AHI1: variants seen among roughly 807,000 people sequenced by gnomAD.
The protein encoded by AHI1 is jouberin.
AHI1 carries 123 observed loss-of-function variants against 149.3 expected under a neutral mutation model. That is an observed-to-expected ratio of 0.82 (90% CI 0.71 to 0.96). AHI1 has a LOEUF of 0.96. AHI1 is among the 40% of genes least tolerant of loss of function. The pLI is 0.00. For missense variants in AHI1, 1,439 were observed against 1,422.7 expected, an observed-to-expected ratio of 1.01 and a Z score of -0.18; for synonymous variants, 475 against 459.8, an observed-to-expected ratio of 1.03 and a Z score of -0.42.
intron 24 of AHI1, among the ~76,000 whole-genome samples, chr6:135,349,774 T>C (rs1346867120): frequency 6.6e-6 from 1 of 152,228 alleles, no homozygotes; most frequent in Admixed American, 6.5e-5. Flanking sequence ...CTGAAAAAGA[T>C]GCATAGAACT....
chr6:135,327,833 T>C (rs1787935496), intron 24 of AHI1, among the ~76,000 whole-genome samples: 1 of 152,178 alleles, frequency 6.6e-6, no homozygotes, highest in South Asian at 2.1e-4. Flanking sequence ...GCTGAACAAA[T>C]GGAGGTTCCA....
chr6:135,476,658 T>C lies in AHI1; in HGVS notation c.136-9024A>G, dbSNP rs1267129407. Among the ~76,000 whole-genome samples, 6 of 152,276 alleles carry C rather than the reference T, an allele frequency of 3.9e-5. No homozygotes were observed. In the South Asian group the frequency reaches 6.2e-4, roughly 16 times the overall value. On this transcript the variant is annotated intron_variant, in intron 5 of 28. Coordinates refer to ENST00000265602, the MANE Select transcript of AHI1 (RefSeq NM_001134831.2). ...TTGCTTTGCATATTTTGAAGCTTTG[T>C]TATGAGTTTCATACACAGTCAGTTA...
intron 24 of AHI1, among the ~76,000 whole-genome samples, chr6:135,330,490 T>C (rs1402789662): frequency 6.6e-6 from 1 of 152,206 alleles, no homozygotes; most frequent in Non-Finnish European, 1.5e-5. Flanking sequence ...TACTACATAC[T>C]TAATAGACTA....
At position 135,300,564 on chromosome 6, in the gene AHI1, G is replaced by A. The variant is rs754974434; in HGVS notation, c.3427-6C>T. The A allele has an allele frequency of 6.2e-7, 1 of 1,600,966 alleles. No individual in the cohort carries two copies. The highest frequency in any genetic ancestry group is 8.5e-7 in the Non-Finnish European group (1 of 1,173,214). On this transcript the variant is annotated splice_polypyrimidine_tract_variant and splice_region_variant and intron_variant, in intron 26 of 28. Coordinates refer to ENST00000265602, the MANE Select transcript of AHI1 (RefSeq NM_001134831.2). ...TTGTTCTTATTGATTGATTGCTGTG[G>A]AAGAAGAGGAAAAACAAGTAGTAAG... is the stretch of plus-strand genomic sequence containing the variant.
chr6:135,309,336 T>C (rs1784879216), intron 26 of AHI1, among the ~76,000 whole-genome samples: 6 of 152,230 alleles, frequency 3.9e-5, no homozygotes. Context: ...TAACACATAT[T>C]ATTCAAATGT....
At chr6:135,482,474 T>C (rs948155809) in intron 5 of AHI1, among the ~76,000 whole-genome samples, 4 of 152,138 alleles carry the variant, frequency 2.6e-5, no homozygotes, top group African/African-American at 9.7e-5. Flanking sequence ...CCACTGTTTT[T>C]TTTTTTGTTT....
intron 11 of AHI1, among the ~76,000 whole-genome samples, chr6:135,451,572 C>T (rs1035494807): frequency 1.1e-4 from 17 of 151,738 alleles, no homozygotes; most frequent in African/African-American, 3.9e-4. Flanking sequence ...TGTTAGAAGA[C>T]GTGAAGCACA....
chr6:135,301,010 C>T, intron 26 of AHI1: 1 of 984,640 alleles, frequency 1.0e-6, no homozygotes, highest in Non-Finnish European at 1.2e-6. Context: ...CTCTTTAAAT[C>T]TACAAAATGT....
At chr6:135,488,882 A>AC (rs984519537) in intron 5 of AHI1, among the ~76,000 whole-genome samples, 2 of 152,254 alleles carry the variant, frequency 1.3e-5, no homozygotes, top group African/African-American at 2.4e-5. Flanking sequence ...ACTTCCACTC[A>AC]GTGTTTGAAT....
rs112416530 is a variant in AHI1 at position 135,491,065 on chromosome 6, G to C, written c.11-318C>G. 0.012 allele frequency among the ~76,000 whole-genome samples: 1,832 copies of C among 152,208 alleles called. 43 individuals are homozygous for C. The highest frequency in any genetic ancestry group is 0.042 in the African/African-American group (1,744 of 41,526). On this transcript the variant is annotated intron_variant, in intron 4 of 28. Transcript: ENST00000265602. The stretch of plus-strand genomic sequence containing the variant: ...ATGTGGCTTTAGACAAGTTACTCAA[G>C]ATCTCTAAACTTCATTTTCCTTATC...
At chr6:135,427,412 G>T (rs1784062680) in intron 19 of AHI1, 105 bp from the exon 20 acceptor site, 3 of 956,032 alleles carry the variant, frequency 3.1e-6, no homozygotes, top group Non-Finnish European at 4.6e-6. Context: ...TTATAGCAAT[G>T]ATGCTCACAT....
rs747621963 is a variant in AHI1, at chr6:135,467,648, C to T, written c.136-14G>A. ...AATAGTGTCAGGCTAAAAAGGAAGA[C>T]ATAATAAAGTTTCAGCTAAGCGTAG... On this transcript the variant is annotated splice_polypyrimidine_tract_variant and intron_variant, in intron 5 of 28. Transcript: ENST00000265602. 1.3e-6 allele frequency: 2 copies of T among 1,584,982 alleles called. No homozygotes were observed. The highest frequency in any genetic ancestry group is 1.7e-5 in the Admixed American group (1 of 58,500).
chr6:135,302,496 G>C (rs142494414), intron 26 of AHI1: 1 of 1,012,330 alleles, frequency 9.9e-7, no homozygotes, highest in African/African-American at 1.7e-5. Context: ...TTTGTCTTAG[G>C]TATGTTAAAC....
intron 27 of AHI1, 87 bp from the exon 28 acceptor site, chr6:135,290,612 C>T (rs1346153170): frequency 1.5e-6 from 2 of 1,343,766 alleles, no homozygotes; most frequent in African/African-American, 1.5e-5. Flanking sequence ...AGGGCCGTGG[C>T]AGTGGAAACA....
chr6:135,363,862 C>T (rs867100396), intron 23 of AHI1, among the ~76,000 whole-genome samples: 2,246 of 91,006 alleles, frequency 0.025, 27 homozygotes, highest in African/African-American at 0.053. Flanking sequence ...GCCCCTCACC[C>T]CCCGGACGGG....
At chr6:135,407,679 A>T (rs1285696922) in intron 21 of AHI1, among the ~76,000 whole-genome samples, 1 of 152,214 alleles carries the variant, frequency 6.6e-6, no homozygotes, top group Non-Finnish European at 1.5e-5. Flanking sequence ...ATAATAAATT[A>T]TCAATTTGCT....
At chr6:135,375,519 C>T (rs9494228) in intron 23 of AHI1, among the ~76,000 whole-genome samples, 3,799 of 152,130 alleles carry the variant, frequency 0.025, 174 homozygotes, top group African/African-American at 0.087. Flanking sequence ...ATGTTGGGGA[C>T]AAGTGGATGG....
In AHI1 at chr6:135,314,129, T is replaced by C. The variant is rs188821475; in HGVS notation, c.3426+4390A>G. The stretch of plus-strand genomic sequence containing the variant: ...TTGTGTTAACCTTATGTTTATGTTA[T>C]GGACCTCATGTCTGTGTAACCCCCA... On this transcript the variant is annotated intron_variant, in intron 26 of 28. Transcript: ENST00000265602. 3.3e-4 allele frequency among the ~76,000 whole-genome samples: 50 copies of C among 152,366 alleles called. 1 individual carries two copies. The highest frequency in any genetic ancestry group is 1.4e-3 in the South Asian group (7 of 4,832).
intron 24 of AHI1, among the ~76,000 whole-genome samples, chr6:135,325,425 C>T (rs919797321): frequency 5.3e-5 from 8 of 152,298 alleles, no homozygotes; most frequent in African/African-American, 1.9e-4. Context: ...CAGTCTCTTA[C>T]CTGGTACTAT....
Sources: allele counts gnomAD v4.1 joint callset (sites outside exome capture counted in the v4.1 genomes callset), GRCh38; gene constraint gnomAD v4.1.1; transcripts MANE v1.5; gene names NCBI Gene and HGNC (gene_info 2026-07-23, HGNC 2026-07-21).